LIPI: variants seen among roughly 807,000 people sequenced by gnomAD.
LIPI encodes lipase member I.
LIPI carries 59 observed loss-of-function variants against 50.6 expected under a neutral mutation model. That is an observed-to-expected ratio of 1.16 (90% CI 0.94 to 1.45). LIPI has a LOEUF of 1.45. Ranked by LOEUF, LIPI falls within the 40% of genes most tolerant of loss-of-function variation. The pLI, the probability that LIPI is intolerant of heterozygous loss-of-function variation, is 0.00. For missense variants in LIPI, 586 were observed against 536.3 expected (o/e 1.09, Z -0.92); for synonymous variants, 203 against 178.2 (o/e 1.14, Z -1.11).
At chr21:14,127,972 C>T (rs958077758) in intron 9 of LIPI, among the ~76,000 whole-genome samples, 1 of 151,800 alleles carries the variant, frequency 6.6e-6, no homozygotes, top group African/African-American at 2.4e-5. Flanking sequence ...TAATAATCCA[C>T]AAAAGATAGA....
intron 1 of LIPI, among the ~76,000 whole-genome samples, chr21:14,191,074 C>T (rs144941797): frequency 6.6e-6 from 1 of 151,768 alleles, no homozygotes; most frequent in African/African-American, 2.4e-5. Flanking sequence ...AAAACTGGAG[C>T]AGGAGTAAAA....
chr21:14,208,622 G>A (rs979485799), intron 1 of LIPI, among the ~76,000 whole-genome samples: 6 of 69,018 alleles, frequency 8.7e-5, no homozygotes, highest in African/African-American at 4.8e-4. Flanking sequence ...AGTTGTATTC[G>A]TGCACGTGCA....
intron 1 of LIPI, among the ~76,000 whole-genome samples, chr21:14,205,940 C>T (rs926464350): frequency 3.3e-5 from 5 of 151,902 alleles, no homozygotes; most frequent in African/African-American, 1.2e-4. Context: ...AATTTTATTT[C>T]CAAAGATGTA....
At position 14,110,802 on chromosome 21, in the gene LIPI, A is replaced by G. The variant is rs556051398; in HGVS notation, c.1296-1722T>C. ...AGGTTCATTCATGCTGTTGCCAATG[A>G]TGGGATTTCCTTCTTTATTATGTCT... On this transcript the variant is annotated intron_variant, in intron 9 of 9. Transcript: ENST00000681601. Among the ~76,000 whole-genome samples, 4 of 151,678 alleles carry G rather than the reference A, an allele frequency of 2.6e-5. No homozygotes were observed. The South Asian group carries it at 8.3e-4, about 31-fold the overall frequency.
At chr21:14,174,526 TA>T (rs2019027187) in intron 4 of LIPI, among the ~76,000 whole-genome samples, 1 of 151,732 alleles carries the variant, frequency 6.6e-6, no homozygotes. Flanking sequence ...TTTTTTTAAA[TA>T]AAATCATCTG....
At chr21:14,127,523 G>A (rs908534417) in intron 9 of LIPI, among the ~76,000 whole-genome samples, 1 of 152,122 alleles carries the variant, frequency 6.6e-6, no homozygotes, top group Non-Finnish European at 1.5e-5. Context: ...TTACATAAAA[G>A]TTAAAATTGC....
At chr21:14,185,233 T>C (rs2019411300) in intron 3 of LIPI, among the ~76,000 whole-genome samples, 1 of 152,192 alleles carries the variant, frequency 6.6e-6, no homozygotes, top group Non-Finnish European at 1.5e-5. Flanking sequence ...TCAAATTGGA[T>C]GCAACTCCTG....
At chr21:14,128,964 T>A (rs2822424) in intron 9 of LIPI, among the ~76,000 whole-genome samples, 103,210 of 151,956 alleles carry the variant, frequency 0.68, 35,281 homozygotes, top group East Asian at 0.94. Context: ...TTGAACAAGA[T>A]GTTTAGAAAG....
rs2019567016 is a variant in LIPI at position 14,189,225 on chromosome 21, G to A, written c.241C>T (p.His81Tyr). The A allele has an allele frequency of 1.2e-6, 2 of 1,613,846 alleles. No individual in the cohort carries two copies. Among genetic ancestry groups the A allele is most frequent in the East Asian group, 2.2e-5 (1 of 44,866 alleles). Reference sequence around the variant, plus strand: ...ATGGAGCCTACTGGTCTGTATCCGTGAATAAGCCAGACTGTTTTCTTTTGT... The same window carrying A: ...ATGGAGCCTACTGGTCTGTATCCGTAAATAAGCCAGACTGTTTTCTTTTGT... ...NTQKKTVWLIHGYRPVGSIPL... is the reference protein window; with the variant it reads ...NTQKKTVWLIYGYRPVGSIPL... Residue 81 changes from histidine to tyrosine, a missense_variant, in exon 2 of 10, where the codon CAC becomes TAC. Coordinates refer to ENST00000681601, the MANE Select transcript of LIPI (RefSeq NM_001302998.2).
intron 9 of LIPI, among the ~76,000 whole-genome samples, chr21:14,127,013 A>G (rs1001111124): frequency 6.6e-6 from 1 of 152,230 alleles, no homozygotes; most frequent in Admixed American, 6.5e-5. Flanking sequence ...TTTTGAAAGT[A>G]GCTTTAGCAC....
rs919014397 is a variant in LIPI at position 14,109,225 on chromosome 21, G to A, written c.1296-145C>T. On this transcript the variant is annotated intron_variant, in intron 9 of 9. Coordinates refer to ENST00000681601, the MANE Select transcript of LIPI (RefSeq NM_001302998.2). ...GTAGGGAGTTGGAACAAATATATGG[G>A]ATCATTTCCATTCTATCTCATTTGG... 17 of 674,842 alleles carry A rather than the reference G, an allele frequency of 2.5e-5. No homozygotes were observed. In the African/African-American group the frequency reaches 2.9e-4, roughly 11 times the overall value. 41.8% of individuals were successfully genotyped at this position (674,842 alleles called of 1,614,324 possible).
chr21:14,126,074 C>T (rs1345040401), intron 9 of LIPI, among the ~76,000 whole-genome samples: 2 of 151,726 alleles, frequency 1.3e-5, no homozygotes, highest in African/African-American at 4.8e-5. Context: ...TTTAGGAGAA[C>T]GTGGAGCTCT....
intron 3 of LIPI, 87 bp downstream of exon 3, chr21:14,185,874 C>G: frequency 2.7e-6 from 2 of 749,782 alleles, no homozygotes; most frequent in Non-Finnish European, 4.6e-6. Flanking sequence ...CAGAGCGAGA[C>G]TCTGTCTCAA....
rs1306459486 is a variant in LIPI at position 14,163,405 on chromosome 21, T to C, written c.1006+14A>G. On this transcript the variant is annotated intron_variant, in intron 7 of 9. Transcript: ENST00000681601. ...TAAAAATTTGTTTATTTGTTAAAATTGTTAATAACTTACTACAGAATGGAT... is the reference window on the plus strand; with the variant it reads ...TAAAAATTTGTTTATTTGTTAAAATCGTTAATAACTTACTACAGAATGGAT... 8.3e-7 allele frequency: 1 copy of C among 1,202,866 alleles called. No individual in the cohort carries two copies. The highest frequency in any genetic ancestry group is 1.2e-6 in the Non-Finnish European group (1 of 806,418). 74.5% of individuals were successfully genotyped at this position (1,202,866 alleles called of 1,614,324 possible). A position where few individuals can be genotyped will look rare whatever the true frequency, so the allele number is the denominator to read the frequency against.
intron 4 of LIPI, among the ~76,000 whole-genome samples, chr21:14,179,420 C>T (rs1237236471): frequency 6.6e-6 from 1 of 152,020 alleles, no homozygotes; most frequent in Non-Finnish European, 1.5e-5. Flanking sequence ...ACTATGTGGC[C>T]TCTAGTGGCA....
At chr21:14,185,000 A>G (rs372581066) in intron 3 of LIPI, among the ~76,000 whole-genome samples, 3 of 152,240 alleles carry the variant, frequency 2.0e-5, no homozygotes, top group East Asian at 3.9e-4. Flanking sequence ...TTTTATCAAC[A>G]CTTAAAGTTA....
In LIPI at chr21:14,115,651, A is replaced by G. The variant is rs575793464; in HGVS notation, c.1296-6571T>C. 2.6e-5 allele frequency among the ~76,000 whole-genome samples: 4 copies of G among 151,836 alleles called. No homozygotes were observed. The East Asian group carries it at 7.8e-4, about 29-fold the overall frequency. On this transcript the variant is annotated intron_variant, in intron 9 of 9. Coordinates refer to ENST00000681601, the MANE Select transcript of LIPI (RefSeq NM_001302998.2). ...GGCACCACTGAGTAACACAGCCCAG[A>G]AGGAGAACGGTTTTCCCGTGTCTTG...
At chr21:14,132,609 A>G (rs1327954345) in intron 9 of LIPI, among the ~76,000 whole-genome samples, 2 of 152,184 alleles carry the variant, frequency 1.3e-5, no homozygotes, top group Non-Finnish European at 2.9e-5. Flanking sequence ...AATATTCACC[A>G]TCACAAAAAC....
intron 9 of LIPI, among the ~76,000 whole-genome samples, chr21:14,122,710 G>A (rs2016911003): frequency 6.6e-6 from 1 of 152,140 alleles, no homozygotes; most frequent in African/African-American, 2.4e-5. Flanking sequence ...GCAAAGATTG[G>A]TTGTGTGACT....
Sources: allele counts gnomAD v4.1 joint callset (sites outside exome capture counted in the v4.1 genomes callset), GRCh38; gene constraint gnomAD v4.1.1; transcripts MANE v1.5; gene names NCBI Gene and HGNC (gene_info 2026-07-23, HGNC 2026-07-21).